The following ZDHHC11 variants were observed in gnomAD, a reference collection of about 807,000 sequenced individuals.
ZDHHC11 encodes zDHHC palmitoyltransferase 11.
Under a neutral mutation model 51.3 loss-of-function variants are expected in ZDHHC11, and 44 were observed. The observed-to-expected ratio is 0.86, with a 90% CI of 0.67 to 1.10. The LOEUF (loss-of-function observed/expected upper bound fraction) is 1.10, where lower values mean the gene tolerates loss of function less well. Ranked by LOEUF, ZDHHC11 falls within the 50% of genes least tolerant of loss-of-function variation. The pLI, the probability that ZDHHC11 is intolerant of heterozygous loss-of-function variation, is 0.00. For missense variants in ZDHHC11, 400 were observed against 537.7 expected, an observed-to-expected ratio of 0.74 and a Z score of 2.53; for synonymous variants, 163 against 222.0, an observed-to-expected ratio of 0.73 and a Z score of 2.36.
chr5:848,762 C>A lies in ZDHHC11; in HGVS notation c.223-102G>T, dbSNP rs1746657336. ...AGAAGAGGCGTGGCCGCTGGTCAGC[C>A]CTGCTCACCCAGCCCTGCACACGTG... On this transcript the variant is annotated intron_variant, in intron 1 of 12. Transcript: ENST00000283441. 16 of 1,504,440 alleles carry A rather than the reference C, an allele frequency of 1.1e-5. No homozygotes were observed. In the South Asian group the frequency reaches 2.1e-4, roughly 19 times the overall value. 93.2% of individuals were successfully genotyped at this position (1,504,440 alleles called of 1,614,324 possible).
At chr5:833,949 G>A (rs1743410889) in intron 6 of ZDHHC11, 142 bp from the exon 7 acceptor site, 2 of 621,454 alleles carry the variant, frequency 3.2e-6, no homozygotes, top group African/African-American at 3.7e-5. Context: ...TCAGATCTCA[G>A]AACCACTTAC....
At chr5:825,094 G>C (rs4997173) in intron 8 of ZDHHC11, 70 bp downstream of exon 8, 4 of 1,478,030 alleles carry the variant, frequency 2.7e-6, no homozygotes, top group Non-Finnish European at 3.8e-6. Flanking sequence ...CCTCAGCTTG[G>C]GGGACCCGAG....
chr5:844,825 C>A (rs1464619330), intron 3 of ZDHHC11, among the ~76,000 whole-genome samples: 5 of 152,306 alleles, frequency 3.3e-5, no homozygotes. Flanking sequence ...CACTCCCAGT[C>A]TCTCGTCTTT....
chr5:850,234 C>T, intron 1 of ZDHHC11, 147 bp downstream of exon 1: 1 of 916,208 alleles, frequency 1.1e-6, no homozygotes, highest in East Asian at 2.6e-5. Context: ...GCCACTGGGC[C>T]CACCTGCAGG....
At chr5:843,917 C>CA (rs1745591426) in intron 3 of ZDHHC11, among the ~76,000 whole-genome samples, 193 bp from the exon 4 acceptor site, 2 of 100,688 alleles carry the variant, frequency 2.0e-5, no homozygotes, top group African/African-American at 1.3e-4. Context: ...CAGGGACACG[C>CA]AGGGCATCTG....
rs1303459029 is a variant in ZDHHC11 at position 806,837 on chromosome 5, G to A, written c.1182-5673C>T. Among the ~76,000 whole-genome samples the A allele has an allele frequency of 2.0e-5, 3 of 151,124 alleles. 1 individual carries two copies. Among genetic ancestry groups the A allele is most frequent in the Non-Finnish European group, 4.4e-5 (3 of 67,664 alleles). On this transcript the variant is annotated intron_variant, in intron 11 of 12. Transcript: ENST00000283441. ...AATAAGCCACCAGTTCACACTACTC[G>A]ACTGTCAATTCCAAGTGTTGGAGAG...
intron 9 of ZDHHC11, among the ~76,000 whole-genome samples, chr5:821,517 G>T (rs1480296828): frequency 6.6e-6 from 1 of 151,354 alleles, no homozygotes; most frequent in African/African-American, 2.4e-5. Context: ...AAGTGAAAGC[G>T]TGCAGGGCTC....
intron 12 of ZDHHC11, among the ~76,000 whole-genome samples, chr5:797,866 T>C (rs1737813901): frequency 6.6e-6 from 1 of 150,534 alleles, no homozygotes; most frequent in South Asian, 2.1e-4. Context: ...CTTTGAGGCT[T>C]AGGATGAAGG....
intron 3 of ZDHHC11, among the ~76,000 whole-genome samples, chr5:844,880 G>A (rs1316341166): frequency 2.0e-5 from 3 of 152,304 alleles, no homozygotes; most frequent in African/African-American, 4.8e-5. Flanking sequence ...AACCAATTCT[G>A]GGCAGCAGTT....
chr5:823,498 T>C (rs1164296109), intron 8 of ZDHHC11: 1 of 152,392 alleles, frequency 6.6e-6, no homozygotes, highest in Middle Eastern at 3.4e-3. Context: ...TGGACAACAC[T>C]GTCTGCAGCT....
At chr5:797,351 G>A (rs1434696931) in intron 12 of ZDHHC11, among the ~76,000 whole-genome samples, 1 of 151,706 alleles carries the variant, frequency 6.6e-6, no homozygotes, top group Non-Finnish European at 1.5e-5. Context: ...TTCTAACAAT[G>A]TTGGCAAATT....
chr5:819,226 C>T (rs1467191932), intron 10 of ZDHHC11, among the ~76,000 whole-genome samples: 1 of 151,606 alleles, frequency 6.6e-6, no homozygotes, highest in Non-Finnish European at 1.5e-5. Context: ...ATGTTCTGGG[C>T]ACTTCAGAGC....
intron 11 of ZDHHC11, among the ~76,000 whole-genome samples, chr5:808,553 T>A (rs1207076091): frequency 3.3e-5 from 5 of 150,244 alleles, no homozygotes; most frequent in Admixed American, 6.6e-5. Context: ...TTATTTATTT[T>A]GAGACGTAGT....
chr5:799,076 T>C (rs1301466703), intron 12 of ZDHHC11, among the ~76,000 whole-genome samples: 3 of 151,852 alleles, frequency 2.0e-5, no homozygotes, highest in Non-Finnish European at 4.4e-5. Flanking sequence ...CCAAACCTTA[T>C]GTTGAAATTT....
At chr5:807,328 T>G (rs1211807597) in intron 11 of ZDHHC11, among the ~76,000 whole-genome samples, 2 of 150,990 alleles carry the variant, frequency 1.3e-5, no homozygotes, top group Non-Finnish European at 3.0e-5. Context: ...ACTATATCTA[T>G]ATAGATATCT....
intron 10 of ZDHHC11, among the ~76,000 whole-genome samples, chr5:818,895 G>T (rs1165493954): frequency 6.6e-6 from 1 of 151,350 alleles, no homozygotes; most frequent in Non-Finnish European, 1.5e-5. Context: ...GAAACCGCTG[G>T]AAGCTGACCC....
intron 3 of ZDHHC11, among the ~76,000 whole-genome samples, chr5:845,975 G>GA (rs1195504470): frequency 1.3e-5 from 2 of 150,184 alleles, no homozygotes; most frequent in Admixed American, 6.6e-5. Flanking sequence ...TCCCCACCAG[G>GA]ACCCGCCAGA....
At chr5:850,160 G>A (rs1469557605) in intron 1 of ZDHHC11, 16 of 579,180 alleles carry the variant, frequency 2.8e-5, no homozygotes, top group Non-Finnish European at 4.5e-5. Context: ...TTCCCTCTCC[G>A]GAGCCCCCTC....
At chr5:828,952 A>AT (rs1162243561) in intron 7 of ZDHHC11, among the ~76,000 whole-genome samples, 2 of 130,352 alleles carry the variant, frequency 1.5e-5, no homozygotes, top group African/African-American at 5.8e-5. Context: ...TTCAAACTGA[A>AT]TAACTGTGGC....
Sources: gnomAD v4.1 joint callset for allele counts (sites outside exome capture counted in the v4.1 genomes callset) on GRCh38, gnomAD v4.1.1 for gene constraint, MANE v1.5 for transcripts, NCBI Gene and HGNC (gene_info 2026-07-23, HGNC 2026-07-21) for gene names.